The following LRMDA variants were observed in gnomAD, a reference collection of about 807,000 sequenced individuals.
The protein encoded by LRMDA is leucine rich melanocyte differentiation associated.
In LRMDA, 18 loss-of-function variants were observed where a neutral mutation model predicts 29.8. That is an observed-to-expected ratio of 0.60 (90% confidence interval 0.42 to 0.90). The LOEUF (loss-of-function observed/expected upper bound fraction) is 0.90, where lower values mean the gene tolerates loss of function less well. LRMDA is among the 40% of genes least tolerant of loss of function. LRMDA has a pLI of 0.00. For missense variants in LRMDA, 273 were observed against 273.9 expected, an observed-to-expected ratio of 1.00 and a Z score of 0.02; for synonymous variants, 125 against 109.4, an observed-to-expected ratio of 1.14 and a Z score of -0.89.
intron 2 of LRMDA, among the ~76,000 whole-genome samples, chr10:75,709,239 A>G (rs1212257387): frequency 1.3e-5 from 2 of 152,234 alleles, no homozygotes; most frequent in Non-Finnish European, 2.9e-5. Flanking sequence ...ATTTTTAAAG[A>G]GACAACAGGA....
intron 5 of LRMDA, among the ~76,000 whole-genome samples, chr10:76,235,344 T>A (rs146089991): frequency 1.6e-3 from 237 of 151,998 alleles, no homozygotes; most frequent in African/African-American, 5.4e-3. Context: ...ATAACAGATA[T>A]AATAATAATG....
At chr10:76,244,680 G>A (rs904267724) in intron 5 of LRMDA, among the ~76,000 whole-genome samples, 4 of 152,160 alleles carry the variant, frequency 2.6e-5, no homozygotes, top group East Asian at 1.9e-4. Flanking sequence ...AGGGGAGTGC[G>A]TATAATACTC....
intron 2 of LRMDA, among the ~76,000 whole-genome samples, chr10:75,652,541 A>C (rs1417948800): frequency 6.6e-6 from 1 of 152,228 alleles, no homozygotes; most frequent in South Asian, 2.1e-4. Context: ...AGTTCTGTGA[A>C]GCATTAAGCT....
intron 5 of LRMDA, 122 bp downstream of exon 5, chr10:76,058,905 C>T (rs1353546227): frequency 5.3e-6 from 4 of 760,338 alleles, no homozygotes; most frequent in South Asian, 1.5e-5. Flanking sequence ...CATGAAGGGT[C>T]CTTCCATGGA....
intron 2 of LRMDA, among the ~76,000 whole-genome samples, chr10:75,908,986 G>A (rs866039987): frequency 9.9e-5 from 15 of 152,076 alleles, no homozygotes; most frequent in Admixed American, 3.3e-4. Flanking sequence ...ATCTATCACA[G>A]CATCTAGTAT....
At chr10:76,049,819 T>TA (rs547590796) in intron 4 of LRMDA, among the ~76,000 whole-genome samples, 176 of 152,350 alleles carry the variant, frequency 1.2e-3, no homozygotes, top group African/African-American at 4.2e-3. Context: ...GCCTTCCTTC[T>TA]AGCTGTTTCC....
intron 6 of LRMDA, among the ~76,000 whole-genome samples, chr10:76,517,969 AAG>A (rs1291839218): frequency 6.8e-6 from 1 of 147,032 alleles, no homozygotes; most frequent in African/African-American, 2.5e-5. Flanking sequence ...TAATCAAGAA[AAG>A]AGAAAAAGAA....
At chr10:76,490,148 A>G (rs1057453691) in intron 6 of LRMDA, among the ~76,000 whole-genome samples, 4 of 152,132 alleles carry the variant, frequency 2.6e-5, no homozygotes, top group East Asian at 1.9e-4. Context: ...CCATTGTGTC[A>G]GAGAAGATGC....
At chr10:76,547,143 T>A (rs978167607) in intron 6 of LRMDA, among the ~76,000 whole-genome samples, 10 of 152,218 alleles carry the variant, frequency 6.6e-5, no homozygotes, top group Non-Finnish European at 1.5e-4. Context: ...GACTGTCAAA[T>A]GATGGCATAT....
At chr10:76,492,017 C>T (rs2132336171) in intron 6 of LRMDA, among the ~76,000 whole-genome samples, 1 of 152,128 alleles carries the variant, frequency 6.6e-6, no homozygotes, top group Non-Finnish European at 1.5e-5. Context: ...CATTTTTCAA[C>T]TCCAGAATTT....
At chr10:75,597,668 A>G (rs1055482320) in intron 2 of LRMDA, among the ~76,000 whole-genome samples, 1 of 152,180 alleles carries the variant, frequency 6.6e-6, no homozygotes, top group African/African-American at 2.4e-5. Flanking sequence ...TAATCTTTAA[A>G]TAAGACGATT....
chr10:76,459,775 TA>T (rs1842493552), intron 6 of LRMDA, among the ~76,000 whole-genome samples: 1 of 152,194 alleles, frequency 6.6e-6, no homozygotes, highest in Non-Finnish European at 1.5e-5. Flanking sequence ...TTTGTTTTTT[TA>T]ATTTTATTAT....
chr10:76,115,854 A>G (rs532965669), intron 5 of LRMDA, among the ~76,000 whole-genome samples: 134 of 152,192 alleles, frequency 8.8e-4, no homozygotes, highest in African/African-American at 3.1e-3. Flanking sequence ...GAGAAAATGG[A>G]GGGGGCAGGG....
rs568952422 is a variant in LRMDA, at chr10:76,559,612, T to C, written c.*2324T>C. 6.6e-6 allele frequency: 1 copy of C among 152,336 alleles called. No individual in the cohort carries two copies. Among genetic ancestry groups the C allele is most frequent in the Non-Finnish European group, 1.5e-5 (1 of 68,028 alleles). 9.4% of individuals were successfully genotyped at this position (152,336 alleles called of 1,614,324 possible). The stretch of plus-strand genomic sequence containing the variant: ...AGACTTTGGTCTGAATTGGCAGAGG[T>C]AGAACCCATGTTGCATGTTTATCCT... On this transcript the variant is annotated 3_prime_UTR_variant, in exon 7 of 7. Transcript: ENST00000611255.
At chr10:76,238,600 G>A (rs537474825) in intron 5 of LRMDA, among the ~76,000 whole-genome samples, 18 of 152,016 alleles carry the variant, frequency 1.2e-4, no homozygotes, top group African/African-American at 3.9e-4. Context: ...AACACATAAG[G>A]ATATACTTGA....
At chr10:75,435,339 C>T (rs1384077196) in intron 1 of LRMDA, among the ~76,000 whole-genome samples, 1 of 152,208 alleles carries the variant, frequency 6.6e-6, no homozygotes, top group African/African-American at 2.4e-5. Flanking sequence ...AGCTTCCTGA[C>T]ATCCTGAGAG....
intron 6 of LRMDA, among the ~76,000 whole-genome samples, chr10:76,534,379 C>A (rs934473749): frequency 1.3e-5 from 2 of 152,076 alleles, no homozygotes; most frequent in Non-Finnish European, 2.9e-5. Flanking sequence ...GGAAGGGATG[C>A]GTGGCAGTTC....
chr10:75,648,919 A>G (rs1430292155), intron 2 of LRMDA, among the ~76,000 whole-genome samples: 2 of 152,186 alleles, frequency 1.3e-5, no homozygotes, highest in Non-Finnish European at 2.9e-5. Context: ...GCACTGGGCT[A>G]TGGAATGATT....
chr10:75,452,196 G>A (rs1260639258), intron 2 of LRMDA, among the ~76,000 whole-genome samples: 1 of 152,174 alleles, frequency 6.6e-6, no homozygotes, highest in Non-Finnish European at 1.5e-5. Flanking sequence ...TTCAGGATTT[G>A]CCTGGGGTCC....
Sources: allele counts gnomAD v4.1 joint callset (sites outside exome capture counted in the v4.1 genomes callset), GRCh38; gene constraint gnomAD v4.1.1; transcripts MANE v1.5; gene names NCBI Gene and HGNC (gene_info 2026-07-23, HGNC 2026-07-21).